Variants in GRIP2 observed in about 807,000 individuals in gnomAD.
The protein encoded by GRIP2 is glutamate receptor-interacting protein 2.
In GRIP2, 58 loss-of-function variants were observed where a neutral mutation model predicts 108.3. The observed-to-expected ratio is 0.54, with a 90% CI of 0.43 to 0.67. The LOEUF (loss-of-function observed/expected upper bound fraction) is 0.67, where lower values mean the gene tolerates loss of function less well. Ranked by LOEUF, GRIP2 falls within the 30% of genes least tolerant of loss-of-function variation. The pLI is 0.00. For synonymous variants in GRIP2, 586 were observed against 598.2 expected, an observed-to-expected ratio of 0.98 and a Z score of 0.30; for missense variants, 1,278 against 1,430.6, an observed-to-expected ratio of 0.89 and a Z score of 1.72.
rs558687334 is a variant in GRIP2, at chr3:14,510,707, G to A, written c.1933+458C>T. ...TTTCCAGTTGGCGCAGTCCTCACCCGTCCCTTTTGCCTCTCCAATCCATAC... is the reference window on the plus strand; with the variant it reads ...TTTCCAGTTGGCGCAGTCCTCACCCATCCCTTTTGCCTCTCCAATCCATAC... On this transcript the variant is annotated intron_variant, in intron 16 of 23. Transcript: ENST00000621039. Among the ~76,000 whole-genome samples, 36 of 152,258 alleles carry A rather than the reference G, an allele frequency of 2.4e-4. No individual in the cohort carries two copies. The South Asian group carries it at 3.3e-3, about 14-fold the overall frequency.
the GRIP2 span, among the ~76,000 whole-genome samples, chr3:14,587,043 C>T: frequency 3.3e-5 from 5 of 152,144 alleles, no homozygotes; most frequent in Non-Finnish European, 7.4e-5. Context: ...TCATTTTCTT[C>T]TTCGTCTTTA....
chr3:14,512,212 T>G lies in GRIP2; in HGVS notation c.1720+565A>C, dbSNP rs1173182814. On this transcript the variant is annotated intron_variant, in intron 14 of 23. Transcript: ENST00000621039. This position sits in a 1 kb window ranked among gnomAD's most constrained non-coding sequence, Gnocchi z 5.1. ...GCTGACTGCGGCTGGAGGGCTTGAG[T>G]TGGGGAGAGTCGGGAGATGAGGTCA... Among the ~76,000 whole-genome samples the G allele has an allele frequency of 2.0e-5, 3 of 151,596 alleles. No individual in the cohort carries two copies. Among genetic ancestry groups the G allele is most frequent in the Admixed American group, 6.6e-5 (1 of 15,246 alleles).
intron 3 of GRIP2, among the ~76,000 whole-genome samples, chr3:14,525,050 G>A (rs756090040): frequency 9.9e-5 from 15 of 152,178 alleles, no homozygotes; most frequent in Admixed American, 2.0e-4. Flanking sequence ...CAGCTGCCTT[G>A]GCCTCGGGTC....
At chr3:14,579,214 C>T in the GRIP2 span, among the ~76,000 whole-genome samples, 4 of 152,160 alleles carry the variant, frequency 2.6e-5, no homozygotes, top group East Asian at 3.9e-4. Context: ...TGCTGTGATT[C>T]GGTTTATATG....
chr3:14,538,235 GTA>G (rs975895527), intron 1 of GRIP2, among the ~76,000 whole-genome samples: 4 of 152,154 alleles, frequency 2.6e-5, no homozygotes, highest in African/African-American at 9.7e-5. Context: ...AAATGTGGAG[GTA>G]TATGGCTGTC....
rs1693893163 is a variant in GRIP2, at chr3:14,505,484, C to T, written c.2573+131G>A. On this transcript the variant is annotated intron_variant, in intron 20 of 23. Coordinates refer to ENST00000621039, the MANE Select transcript of GRIP2 (RefSeq NM_001080423.4). This position sits in a 1 kb window ranked among gnomAD's most constrained non-coding sequence, Gnocchi z 4.2. ...AGGTGGCTCTGCTCAGTGCTTCTCT[C>T]CCAGGAGGCACCCCTCCTCAGGAGC... 15 of 1,032,864 alleles carry T rather than the reference C, an allele frequency of 1.5e-5. No individual in the cohort carries two copies. Among genetic ancestry groups the T allele is most frequent in the African/African-American group, 1.3e-4 (8 of 62,762 alleles). 64.0% of individuals were successfully genotyped at this position (1,032,864 alleles called of 1,614,324 possible).
chr3:14,540,977 C>A (rs1694956741), upstream of GRIP2, among the ~76,000 whole-genome samples: 1 of 152,254 alleles, frequency 6.6e-6, no homozygotes, highest in Non-Finnish European at 1.5e-5. This position sits in a 1 kb window ranked among gnomAD's most constrained non-coding sequence, Gnocchi z 4.1. Flanking sequence ...TTTGTGAAGA[C>A]CAAGTGAGCT....
At chr3:14,509,164 T>C (rs991633885) in intron 17 of GRIP2, among the ~76,000 whole-genome samples, 2 of 151,962 alleles carry the variant, frequency 1.3e-5, no homozygotes, top group Non-Finnish European at 2.9e-5. Flanking sequence ...TCCTGCGCGG[T>C]GCCCTCCTCC....
upstream of GRIP2, among the ~76,000 whole-genome samples, chr3:14,557,505 A>G (rs1035662817): frequency 1.3e-5 from 2 of 152,228 alleles, no homozygotes; most frequent in African/African-American, 4.8e-5. Context: ...CAACTCAGCT[A>G]GGCTGGAGGT....
At chr3:14,574,169 G>A in the GRIP2 span, 81 of 901,984 alleles carry the variant, frequency 9.0e-5, no homozygotes, top group Admixed American at 6.5e-4. Flanking sequence ...GAATGGTGAC[G>A]AGCAAGTGCA....
the GRIP2 span, among the ~76,000 whole-genome samples, chr3:14,585,746 T>A: frequency 6.6e-6 from 1 of 152,098 alleles, no homozygotes; most frequent in Non-Finnish European, 1.5e-5. Context: ...AGGCACTGAC[T>A]GTCACACTGG....
At position 14,511,451 on chromosome 3, in the gene GRIP2, C is replaced by T. The variant is rs774570128; in HGVS notation, c.1749G>A (p.Leu583=). The T allele has an allele frequency of 5.0e-6, 8 of 1,613,760 alleles. No individual in the cohort carries two copies. In the South Asian group the frequency reaches 6.6e-5, roughly 13 times the overall value. The part of the protein sequence containing the change: ...SSASRKRGEP[L]IISDIKKGSV... ...TGCCTTTCTTGATGTCGGAGATGAT[C>T]AAGGGCTCCCCTCGTTTCCTGCTGG... The change falls in exon 15 of 24, where the codon TTG becomes TTA. Residue 583 remains leucine (L), a synonymous_variant. Transcript: ENST00000621039. This position sits in a 1 kb window ranked among gnomAD's most constrained non-coding sequence, Gnocchi z 4.1.
At chr3:14,558,364 G>T (rs1040531921), upstream of GRIP2, among the ~76,000 whole-genome samples, 3 of 152,180 alleles carry the variant, frequency 2.0e-5, no homozygotes, top group African/African-American at 7.2e-5. Context: ...GGGAGGGCAG[G>T]CTGCGTTGCC....
At position 14,521,725 on chromosome 3, in the gene GRIP2, G is replaced by A; in HGVS notation, c.629C>T (p.Ala210Val). The A allele has an allele frequency of 1.2e-6, 2 of 1,610,172 alleles. No homozygotes were observed. The highest frequency in any genetic ancestry group is 2.2e-5 in the South Asian group (2 of 90,276). The change falls in exon 7 of 24, where the codon GCC (alanine) becomes GTC (valine). Residue 210 changes from alanine (A) to valine (V), a missense_variant. Transcript: ENST00000621039. The surrounding 1 kb of genome is among the most constrained non-coding windows in gnomAD (Gnocchi z 5.1). The stretch of plus-strand genomic sequence containing the variant: ...GGTGGCCAGGGCGGTGGCATGGCTG[G>A]CCCCGTGCAGCGGGATTCCATCGAC... ...LSVDGIPLHGASHATALATLR... is the reference protein window; with the variant it reads ...LSVDGIPLHGVSHATALATLR...
chr3:14,543,618 A>C (rs772683181), upstream of GRIP2, among the ~76,000 whole-genome samples: 1 of 152,250 alleles, frequency 6.6e-6, no homozygotes, highest in Non-Finnish European at 1.5e-5. Context: ...AGAAAAGGGG[A>C]ACAGATTGCC....
At chr3:14,540,638 G>T (rs966425652), upstream of GRIP2, among the ~76,000 whole-genome samples, 2 of 152,180 alleles carry the variant, frequency 1.3e-5, no homozygotes, top group African/African-American at 4.8e-5. The surrounding 1 kb of genome is among the most constrained non-coding windows in gnomAD (Gnocchi z 4.1). Context: ...TTTGGCAAAC[G>T]ACTCTTCCCT....
upstream of GRIP2, among the ~76,000 whole-genome samples, chr3:14,546,813 G>A (rs984094570): frequency 3.3e-5 from 5 of 152,130 alleles, no homozygotes; most frequent in Non-Finnish European, 5.9e-5. Context: ...ACCAAGAGCC[G>A]GTGAAGATGT....
chr3:14,587,639 CA>C, the GRIP2 span, among the ~76,000 whole-genome samples: 6,453 of 124,216 alleles, frequency 0.052, 328 homozygotes, highest in African/African-American at 0.13. Context: ...ATGCCATCTC[CA>C]AAAAAAAAAA....
Position 14,521,564 on chromosome 3 carries a change from A to C in GRIP2, c.712+78T>G. The C allele has an allele frequency of 2.1e-6, 3 of 1,444,988 alleles. No homozygotes were observed. Among genetic ancestry groups the C allele is most frequent in the Non-Finnish European group, 2.8e-6 (3 of 1,074,668 alleles). 89.5% of individuals were successfully genotyped at this position (1,444,988 alleles called of 1,614,324 possible). A position where few individuals can be genotyped will look rare whatever the true frequency, so the allele number is the denominator to read the frequency against. On this transcript the variant is annotated intron_variant, in intron 7 of 23. Coordinates refer to ENST00000621039, the MANE Select transcript of GRIP2 (RefSeq NM_001080423.4). This position sits in a 1 kb window ranked among gnomAD's most constrained non-coding sequence, Gnocchi z 5.1. ...GGTCATGCAGCCTTTGCAGTGGTAA[A>C]GATCCATGGCCACTGCCACCTCCCC...
Sources: allele counts gnomAD v4.1 joint callset (sites outside exome capture counted in the v4.1 genomes callset), GRCh38; gene constraint gnomAD v4.1.1; non-coding constraint Gnocchi (gnomAD v3.1); transcripts MANE v1.5; gene names NCBI Gene and HGNC (gene_info 2026-07-23, HGNC 2026-07-21).